Variants in CTNND2 observed in about 807,000 individuals in gnomAD.
CTNND2 encodes the protein catenin delta-2.
Under a neutral mutation model 144.4 loss-of-function variants are expected in CTNND2, and 22 were observed. The observed-to-expected ratio is 0.15, with a 90% CI of 0.11 to 0.22. The LOEUF is 0.22. Among genes scored for constraint, CTNND2 ranks in the 10% least tolerant of loss-of-function variants. The probability of loss-of-function intolerance (pLI) is 1.00; values close to 1 mark genes in which losing one functional copy is unlikely to be tolerated. For missense variants in CTNND2, 1,353 were observed against 1,618.8 expected, an observed-to-expected ratio of 0.84 and a Z score of 2.82; for synonymous variants, 751 against 695.6, an observed-to-expected ratio of 1.08 and a Z score of -1.25.
intron 1 of CTNND2, among the ~76,000 whole-genome samples, chr5:11,821,954 G>T (rs1185641880): frequency 1.3e-5 from 2 of 152,032 alleles, no homozygotes; most frequent in African/African-American, 4.8e-5. Context: ...GTTCAGTAAG[G>T]ATGCATTCTG....
chr5:11,174,992 T>C (rs1157888385), intron 11 of CTNND2, among the ~76,000 whole-genome samples: 4 of 152,226 alleles, frequency 2.6e-5, no homozygotes, highest in Non-Finnish European at 5.9e-5. Context: ...TGCATTTATC[T>C]ATTAACTAAC....
rs73055809 is a variant in CTNND2, at chr5:11,610,059, T to C, written c.175-45003A>G. On this transcript the variant is annotated intron_variant, in intron 2 of 21. Transcript: ENST00000304623. ...TTTATGACAACAATATAAGTGCCGA[T>C]GACAAAGAGTTTTATGACTTGTTCC... Among the ~76,000 whole-genome samples, 1,084 of 152,348 alleles carry C rather than the reference T, an allele frequency of 7.1e-3. 13 individuals carry two copies. Among genetic ancestry groups the C allele is most frequent in the African/African-American group, 0.025 (1,029 of 41,584 alleles).
intron 7 of CTNND2, among the ~76,000 whole-genome samples, chr5:11,382,619 G>A (rs573519262): frequency 1.6e-3 from 244 of 151,304 alleles, no homozygotes; most frequent in South Asian, 1.7e-3. Context: ...GTGTGTGTGT[G>A]TGTGTGTGTG....
At chr5:11,767,394 C>T (rs1046126449) in intron 1 of CTNND2, among the ~76,000 whole-genome samples, 4 of 152,160 alleles carry the variant, frequency 2.6e-5, no homozygotes, top group East Asian at 1.9e-4. Flanking sequence ...TTCATATACA[C>T]CCACTGCATC....
chr5:11,175,273 A>G lies in CTNND2; in HGVS notation c.1976-15514T>C, dbSNP rs551620504. Among the ~76,000 whole-genome samples the G allele has an allele frequency of 5.9e-5, 9 of 152,268 alleles. No homozygotes were observed. In the South Asian group the frequency reaches 1.0e-3, roughly 18 times the overall value. ...TTCTCAAGTTTTCTAGATGAACATA[A>G]TAGTATTATTTTCTATGATTATAAA... On this transcript the variant is annotated intron_variant, in intron 11 of 21. Coordinates refer to ENST00000304623, the MANE Select transcript of CTNND2 (RefSeq NM_001332.4).
intron 1 of CTNND2, among the ~76,000 whole-genome samples, chr5:11,876,327 AGAG>A (rs1388253230): frequency 6.6e-6 from 1 of 151,690 alleles, no homozygotes; most frequent in African/African-American, 2.4e-5. Flanking sequence ...AGAAGAGAAG[AGAG>A]GAGAAGAGAA....
At chr5:11,155,131 G>A (rs533431726) in intron 12 of CTNND2, among the ~76,000 whole-genome samples, 70 of 151,772 alleles carry the variant, frequency 4.6e-4, no homozygotes, top group Admixed American at 1.0e-3. Flanking sequence ...CAGAGAGAGC[G>A]GAGCCAGCTC....
intron 2 of CTNND2, among the ~76,000 whole-genome samples, chr5:11,576,779 A>C (rs1024963433): frequency 2.6e-5 from 4 of 152,166 alleles, no homozygotes; most frequent in African/African-American, 9.7e-5. Context: ...CCTTCTTCCT[A>C]ACCTAAAACG....
At chr5:11,047,501 T>G (rs1745385349) in intron 16 of CTNND2, among the ~76,000 whole-genome samples, 1 of 152,186 alleles carries the variant, frequency 6.6e-6, no homozygotes. Flanking sequence ...TTTAGGGGTA[T>G]AAAGAGTATG....
At chr5:11,315,765 C>T (rs565503489) in intron 9 of CTNND2, among the ~76,000 whole-genome samples, 45 of 152,266 alleles carry the variant, frequency 3.0e-4, no homozygotes, top group African/African-American at 9.4e-4. Context: ...CTTTACCCTA[C>T]CTATGGAAGT....
At chr5:11,175,780 T>C (rs1407527506) in intron 11 of CTNND2, among the ~76,000 whole-genome samples, 1 of 152,134 alleles carries the variant, frequency 6.6e-6, no homozygotes, top group Non-Finnish European at 1.5e-5. Flanking sequence ...GGGTAGAGTC[T>C]ACACATTTTA....
rs551901670 is a variant in CTNND2, at chr5:11,173,379, G to A, written c.1976-13620C>T. On this transcript the variant is annotated intron_variant, in intron 11 of 21. Transcript: ENST00000304623. ...ACTGTGTTTGCTTCCACTGCTTCCC[G>A]CTGCTGACCACCCTCTAGATCAGTA... Among the ~76,000 whole-genome samples, 305 of 152,318 alleles carry A rather than the reference G, an allele frequency of 2.0e-3. 1 individual carries two copies. Among genetic ancestry groups the A allele is most frequent in the African/African-American group, 6.8e-3 (281 of 41,570 alleles).
intron 7 of CTNND2, among the ~76,000 whole-genome samples, chr5:11,376,202 T>C (rs1757917455): frequency 6.6e-6 from 1 of 152,176 alleles, no homozygotes; most frequent in Non-Finnish European, 1.5e-5. Flanking sequence ...CAATTTATGA[T>C]ATTTTTTATA....
intron 2 of CTNND2, among the ~76,000 whole-genome samples, chr5:11,694,772 T>C (rs1037107569): frequency 6.6e-6 from 1 of 152,236 alleles, no homozygotes; most frequent in Non-Finnish European, 1.5e-5. Flanking sequence ...TCTCTCCTTC[T>C]GTCTCTGTTC....
At chr5:11,773,260 G>T (rs181872159) in intron 1 of CTNND2, among the ~76,000 whole-genome samples, 1 of 152,250 alleles carries the variant, frequency 6.6e-6, no homozygotes, top group African/African-American at 2.4e-5. Flanking sequence ...TAAAATCCAG[G>T]TCTTTCAGCT....
chr5:11,419,879 C>A (rs926808896), intron 3 of CTNND2, among the ~76,000 whole-genome samples: 12 of 152,138 alleles, frequency 7.9e-5, no homozygotes, highest in African/African-American at 2.9e-4. Context: ...CATCAGTCTC[C>A]ACATTGTATC....
At chr5:11,029,940 C>G (rs1191183516) in intron 16 of CTNND2, among the ~76,000 whole-genome samples, 1 of 152,132 alleles carries the variant, frequency 6.6e-6, no homozygotes, top group East Asian at 1.9e-4. Context: ...TCTTACAGAG[C>G]AGGTCTAGTG....
chr5:11,376,648 T>C (rs1757978108), intron 7 of CTNND2, among the ~76,000 whole-genome samples: 1 of 152,172 alleles, frequency 6.6e-6, no homozygotes, highest in Admixed American at 6.5e-5. Flanking sequence ...CATCACTCCA[T>C]ACGCTTGTAC....
chr5:11,622,793 T>G (rs2126432528), intron 2 of CTNND2, among the ~76,000 whole-genome samples: 1 of 152,276 alleles, frequency 6.6e-6, no homozygotes, highest in South Asian at 2.1e-4. Context: ...GACAATTATA[T>G]CAAGGGAGAA....
Sources: allele counts gnomAD v4.1 joint callset (sites outside exome capture counted in the v4.1 genomes callset), GRCh38; gene constraint gnomAD v4.1.1; transcripts MANE v1.5; gene names NCBI Gene and HGNC (gene_info 2026-07-23, HGNC 2026-07-21).